Variants in OTUD7B observed in about 807,000 individuals in gnomAD.
OTUD7B encodes OTU domain-containing protein 7B.
In OTUD7B, 34 loss-of-function variants were observed where a neutral mutation model predicts 82.2. The observed-to-expected ratio is 0.41, with a 90% confidence interval of 0.31 to 0.55. OTUD7B has a LOEUF of 0.55. Ranked by LOEUF, OTUD7B falls within the 20% of genes least tolerant of loss-of-function variation. The pLI, the probability that OTUD7B is intolerant of heterozygous loss-of-function variation, is 0.20. For missense variants in OTUD7B, 944 were observed against 1,062.1 expected (o/e 0.89, Z 1.55); for synonymous variants, 398 against 402.7 (o/e 0.99, Z 0.14).
chr1:149,954,228 T>A (rs1177225196), intron 7 of OTUD7B, among the ~76,000 whole-genome samples: 1 of 152,124 alleles, frequency 6.6e-6, no homozygotes, highest in Non-Finnish European at 1.5e-5. Flanking sequence ...CCCATCAATA[T>A]CTAGTTTATT....
At chr1:149,996,835 C>T (rs1651954978) in intron 1 of OTUD7B, among the ~76,000 whole-genome samples, 1 of 152,044 alleles carries the variant, frequency 6.6e-6, no homozygotes, top group African/African-American at 2.4e-5. Flanking sequence ...CGAGCTGTGG[C>T]CACGAATAAG....
At chr1:149,959,086 G>T (rs1390775014) in intron 7 of OTUD7B, among the ~76,000 whole-genome samples, 2 of 151,996 alleles carry the variant, frequency 1.3e-5, no homozygotes, top group African/African-American at 4.8e-5. Context: ...GCTGGGCGTG[G>T]TGGCATGCAT....
chr1:150,045,046 T>C, the OTUD7B span, among the ~76,000 whole-genome samples: 1 of 152,038 alleles, frequency 6.6e-6, no homozygotes, highest in Non-Finnish European at 1.5e-5. Flanking sequence ...TAGATTCAGA[T>C]TTCAAATCCC....
chr1:150,063,962 T>C, the OTUD7B span, among the ~76,000 whole-genome samples: 6 of 152,198 alleles, frequency 3.9e-5, no homozygotes, highest in African/African-American at 1.4e-4. Context: ...TTCCCATTAG[T>C]ATTTCTATTA....
At chr1:150,057,033 C>T in the OTUD7B span, among the ~76,000 whole-genome samples, 2 of 152,062 alleles carry the variant, frequency 1.3e-5, no homozygotes, top group African/African-American at 4.8e-5. Context: ...ACCAGGTAAA[C>T]CAAGTGATCA....
rs587616109 is a variant in OTUD7B at position 150,008,910 on chromosome 1, G to A, written c.-67+1538C>T. 2.6e-5 allele frequency among the ~76,000 whole-genome samples: 4 copies of A among 152,262 alleles called. No individual in the cohort carries two copies. In the South Asian group the frequency reaches 6.2e-4, roughly 24 times the overall value. On this transcript the variant is annotated intron_variant, in intron 1 of 11. Transcript: ENST00000581312. Reference sequence around the variant, plus strand: ...AGTAACTGGCCACTTTGTCAGGGAGGTGCTCTGAGGCAAGCTGGGTCAATA... The same window carrying A: ...AGTAACTGGCCACTTTGTCAGGGAGATGCTCTGAGGCAAGCTGGGTCAATA...
At chr1:149,956,229 G>A (rs1291877811) in intron 7 of OTUD7B, among the ~76,000 whole-genome samples, 2 of 152,092 alleles carry the variant, frequency 1.3e-5, no homozygotes, top group Non-Finnish European at 2.9e-5. Flanking sequence ...AGGCAGGCCT[G>A]GTGGTGACAA....
chr1:150,059,296 AC>A, the OTUD7B span, among the ~76,000 whole-genome samples: 34 of 6,804 alleles, frequency 5.0e-3, 1 homozygote, highest in East Asian at 0.025. Context: ...CTCGTGATCC[AC>A]CCCCCCCCCC....
At chr1:149,958,322 CTTTTT>C (rs34299927) in intron 7 of OTUD7B, among the ~76,000 whole-genome samples, 2 of 86,394 alleles carry the variant, frequency 2.3e-5, no homozygotes, top group East Asian at 3.9e-4. Context: ...AAAGGACTAC[CTTTTT>C]TTTTTTTTTT....
At chr1:150,039,387 A>AAT in the OTUD7B span, among the ~76,000 whole-genome samples, 8 of 151,122 alleles carry the variant, frequency 5.3e-5, no homozygotes, top group East Asian at 1.9e-4. Flanking sequence ...TAAAAAAAAA[A>AAT]TTTTTTTTGA....
chr1:149,944,208 A>G lies in OTUD7B; in HGVS notation c.2181T>C (p.Tyr727=). Residue 727 remains tyrosine, a synonymous_variant, in exon 12 of 12, where the codon TAT becomes TAC. Coordinates refer to ENST00000581312, the MANE Select transcript of OTUD7B (RefSeq NM_020205.4). ...GAGGGCACTGTCTGGGGAAGGTGGC[A>G]TATGGTGGTAGGCCCCCGACACATG... ...GGPCVGGLPP[Y]ATFPRQCPPG... is the part of the protein sequence containing the mutation. 6.2e-7 allele frequency: 1 copy of G among 1,613,494 alleles called. No homozygotes were observed. Among genetic ancestry groups the G allele is most frequent in the Non-Finnish European group, 8.5e-7 (1 of 1,179,594 alleles).
upstream of OTUD7B, among the ~76,000 whole-genome samples, chr1:150,011,840 T>TC (rs1269666136): frequency 2.0e-5 from 3 of 152,226 alleles, no homozygotes; most frequent in Non-Finnish European, 4.4e-5. Flanking sequence ...AACTTTTCTT[T>TC]CCCCTCACTT....
chr1:149,961,345 A>AGTT (rs1215248412), intron 6 of OTUD7B: 1 of 151,906 alleles, frequency 6.6e-6, no homozygotes, highest in African/African-American at 2.4e-5. Flanking sequence ...ACTGCTATAG[A>AGTT]GTTGTTGTTG....
the OTUD7B span, among the ~76,000 whole-genome samples, chr1:150,061,128 A>G: frequency 4.6e-5 from 7 of 152,324 alleles, no homozygotes; most frequent in Non-Finnish European, 8.8e-5. Flanking sequence ...CTGGCCTCCA[A>G]CAATCCTCTT....
the OTUD7B span, among the ~76,000 whole-genome samples, chr1:150,023,089 G>A: frequency 1.3e-5 from 2 of 152,182 alleles, no homozygotes; most frequent in Non-Finnish European, 2.9e-5. Context: ...GCACAAAGGT[G>A]AATCTTAGTC....
chr1:150,057,847 G>A, the OTUD7B span, among the ~76,000 whole-genome samples: 1 of 152,192 alleles, frequency 6.6e-6, no homozygotes, highest in Non-Finnish European at 1.5e-5. Context: ...CTCTAAGAAT[G>A]TAGAGATATG....
the OTUD7B span, among the ~76,000 whole-genome samples, chr1:150,058,888 T>C: frequency 6.6e-6 from 1 of 152,114 alleles, no homozygotes; most frequent in Admixed American, 6.6e-5. Flanking sequence ...CAGAGACTAG[T>C]TAGGAAAAAA....
intron 7 of OTUD7B, among the ~76,000 whole-genome samples, chr1:149,954,544 GGAT>G (rs1648514821): frequency 2.6e-5 from 4 of 152,112 alleles, no homozygotes; most frequent in African/African-American, 9.7e-5. Flanking sequence ...TTTGGTATCA[GGAT>G]GATGCTGGCC....
rs201175858 is a variant in OTUD7B, at chr1:149,950,228, C to T, written c.846-7G>A. 2.0e-5 allele frequency: 32 copies of T among 1,613,456 alleles called. No individual in the cohort carries two copies. Among genetic ancestry groups the T allele is most frequent in the Non-Finnish European group, 2.3e-5 (27 of 1,179,830 alleles). On this transcript the variant is annotated splice_polypyrimidine_tract_variant and splice_region_variant and intron_variant, in intron 7 of 11. Coordinates refer to ENST00000581312, the MANE Select transcript of OTUD7B (RefSeq NM_020205.4). ...CTCCTCAGAACTCTCCACCCTGGAACGACGGGAAGGGAGAGAGTGAAAAGG... is the reference window on the plus strand; with the variant it reads ...CTCCTCAGAACTCTCCACCCTGGAATGACGGGAAGGGAGAGAGTGAAAAGG...
Sources: gnomAD v4.1 joint callset for allele counts (sites outside exome capture counted in the v4.1 genomes callset) on GRCh38, gnomAD v4.1.1 for gene constraint, MANE v1.5 for transcripts, NCBI Gene and HGNC (gene_info 2026-07-23, HGNC 2026-07-21) for gene names.